The following SMG1 variants were observed in gnomAD, a reference collection of about 807,000 sequenced individuals.
SMG1 encodes serine/threonine-protein kinase SMG1.
SMG1 carries 22 observed loss-of-function variants against 419.9 expected under a neutral mutation model. The observed-to-expected ratio is 0.05, with a 90% CI of 0.04 to 0.07. The LOEUF is 0.07. Among genes scored for constraint, SMG1 ranks in the 10% least tolerant of loss-of-function variants. The pLI, the probability that SMG1 is intolerant of heterozygous loss-of-function variation, is 1.00. For missense variants in SMG1, 3,185 were observed against 4,342.0 expected (o/e 0.73, Z 7.49); for synonymous variants, 1,538 against 1,553.5 (o/e 0.99, Z 0.23).
At chr16:18,846,516 C>A (rs748068651) in intron 38 of SMG1, among the ~76,000 whole-genome samples, 75 of 152,052 alleles carry the variant, frequency 4.9e-4, no homozygotes, top group Non-Finnish European at 8.8e-4. Flanking sequence ...AGAACTCCTA[C>A]AATTCAACAA....
chr16:18,920,678 CAAAA>C (rs1301194398), intron 1 of SMG1, among the ~76,000 whole-genome samples: 2 of 149,702 alleles, frequency 1.3e-5, no homozygotes, highest in African/African-American at 4.9e-5. Context: ...CTACAAAAAA[CAAAA>C]AAAAATAAAG....
intron 10 of SMG1, among the ~76,000 whole-genome samples, chr16:18,880,202 C>T (rs1227080345): frequency 2.0e-5 from 3 of 152,200 alleles, no homozygotes; most frequent in Admixed American, 2.0e-4. Flanking sequence ...GAAAGATAAG[C>T]ACTCTCATGC....
chr16:18,892,846 G>T (rs977608333), intron 3 of SMG1, among the ~76,000 whole-genome samples: 1 of 152,144 alleles, frequency 6.6e-6, no homozygotes, highest in African/African-American at 2.4e-5. Flanking sequence ...AGAGTACCTG[G>T]CAAATAACAG....
intron 57 of SMG1, among the ~76,000 whole-genome samples, 177 bp downstream of exon 57, chr16:18,817,113 CG>C (rs2032072392): frequency 7.7e-5 from 1 of 12,962 alleles, no homozygotes; most frequent in Non-Finnish European, 2.9e-4. Flanking sequence ...TAATATGTTT[CG>C]GGGCGGGGGG....
chr16:18,811,066 C>T (rs573151022), intron 62 of SMG1, among the ~76,000 whole-genome samples: 3 of 152,082 alleles, frequency 2.0e-5, no homozygotes, highest in Non-Finnish European at 4.4e-5. Flanking sequence ...TGTCCCGATA[C>T]CCAAAGATGC....
chr16:18,829,210 T>C lies in SMG1; in HGVS notation c.9603+76A>G, dbSNP rs1374939399. The C allele has an allele frequency of 2.4e-6, 3 of 1,268,428 alleles. No individual in the cohort carries two copies. In the African/African-American group the frequency reaches 4.5e-5, roughly 19 times the overall value. 78.6% of individuals were successfully genotyped at this position (1,268,428 alleles called of 1,614,324 possible). On this transcript the variant is annotated intron_variant, in intron 54 of 62. Transcript: ENST00000446231. ...GAAGTTTTAAAAAAATTTCTGTGTA[T>C]TGTTTTAAATTAATTTCCCCCATTT...
Position 18,809,318 on chromosome 16 carries a change from G to A in SMG1, c.*251C>T, listed in dbSNP as rs1306012735. The A allele has an allele frequency of 1.0e-5, 5 of 477,366 alleles. No individual in the cohort carries two copies. Among genetic ancestry groups the A allele is most frequent in the East Asian group, 7.1e-5 (2 of 28,368 alleles). 29.6% of individuals were successfully genotyped at this position (477,366 alleles called of 1,614,324 possible). On this transcript the variant is annotated 3_prime_UTR_variant, in exon 63 of 63. Coordinates refer to ENST00000446231, the MANE Select transcript of SMG1 (RefSeq NM_015092.5). The stretch of plus-strand genomic sequence containing the variant: ...GTTCTGTGGCAGAAAGACAATCTCC[G>A]TGTTCAGGCGGTGAGCTTGCTTTCC...
intron 5 of SMG1, among the ~76,000 whole-genome samples, chr16:18,889,799 A>G (rs2036797932): frequency 6.6e-6 from 1 of 152,198 alleles, no homozygotes; most frequent in South Asian, 2.1e-4. Flanking sequence ...CTTTCTTTTT[A>G]CAAAATCAAT....
chr16:18,859,629 A>G lies in SMG1; in HGVS notation c.3880T>C (p.Leu1294=). The change falls in exon 27 of 63, where the codon TTA becomes CTA. Residue 1294 remains leucine, a synonymous_variant. Transcript: ENST00000446231. ...GTTGCCAAACAAACAGAACTTCTTA[A>G]CAATTGAACTTCAATGGATTTCTGA... ...ELQKSIEVQL[L]RSSVCLATAL... is the part of the protein sequence containing the mutation. The G allele has an allele frequency of 6.2e-7, 1 of 1,613,030 alleles. No homozygotes were observed. The highest frequency in any genetic ancestry group is 8.5e-7 in the Non-Finnish European group (1 of 1,179,152).
intron 10 of SMG1, 126 bp downstream of exon 10, chr16:18,882,039 T>TATAC (rs138410515): frequency 5.9e-5 from 34 of 571,454 alleles, no homozygotes; most frequent in South Asian, 1.2e-4. Context: ...TATATACATA[T>TATAC]ATACATACAT....
At position 18,870,636 on chromosome 16, in the gene SMG1, T is replaced by C; in HGVS notation, c.2466A>G (p.Lys822=). Residue 822 remains lysine (K), a synonymous_variant, in exon 18 of 63, where the codon AAA becomes AAG. Transcript: ENST00000446231. Reference sequence around the variant, plus strand: ...TTAGGACAACATCTAAAGGAATTGATTTCAACAGTTTTCCAAATGCTTGTC... The same window carrying C: ...TTAGGACAACATCTAAAGGAATTGACTTCAACAGTTTTCCAAATGCTTGTC... ...RIRQAFGKLL[K]SIPLDVVLSN... is the part of the protein sequence containing the mutation. 4 of 1,603,914 alleles carry C rather than the reference T, an allele frequency of 2.5e-6. No individual in the cohort carries two copies. The highest frequency in any genetic ancestry group is 3.4e-6 in the Non-Finnish European group (4 of 1,175,418).
chr16:18,834,847 A>C (rs1253660843), intron 49 of SMG1, 45 bp downstream of exon 49: 1 of 1,582,612 alleles, frequency 6.3e-7, no homozygotes, highest in Non-Finnish European at 8.6e-7. Flanking sequence ...TTGGGATTAA[A>C]AATAAGACAC....
At chr16:18,920,182 G>A (rs1054220297) in intron 1 of SMG1, among the ~76,000 whole-genome samples, 11 of 151,978 alleles carry the variant, frequency 7.2e-5, no homozygotes, top group African/African-American at 2.7e-4. Flanking sequence ...AGGAGTTCAC[G>A]ACCAGCCTGA....
intron 1 of SMG1, among the ~76,000 whole-genome samples, chr16:18,903,448 A>G (rs1253478767): frequency 6.6e-6 from 1 of 152,080 alleles, no homozygotes; most frequent in Non-Finnish European, 1.5e-5. Flanking sequence ...CCTTTCCAAA[A>G]CATCTGTAAA....
At chr16:18,854,310 ACTC>A (rs2141416648) in intron 30 of SMG1, among the ~76,000 whole-genome samples, 1 of 151,080 alleles carries the variant, frequency 6.6e-6, no homozygotes, top group East Asian at 2.0e-4. Flanking sequence ...CTGGTGTCAA[ACTC>A]CTAAGCTCAA....
At position 18,849,961 on chromosome 16, in the gene SMG1, C is replaced by T. The variant is rs774816584; in HGVS notation, c.5449G>A (p.Ala1817Thr). The change falls in exon 35 of 63, where the codon GCA becomes ACA. Residue 1817 changes from alanine to threonine, a missense_variant. Transcript: ENST00000446231. The part of the protein sequence containing the change: ...LEHGLETTPT[A>T]PWRGIIPQLF... ...ATGCAGGTCTCACCTCTCCATGGTG[C>T]AGTGGGTGTTGTCTCCAAGCCGTGC... 3.1e-6 allele frequency: 5 copies of T among 1,613,858 alleles called. No homozygotes were observed. The highest frequency in any genetic ancestry group is 3.4e-6 in the Non-Finnish European group (4 of 1,179,820).
intron 38 of SMG1, among the ~76,000 whole-genome samples, chr16:18,846,762 C>T (rs546170287): frequency 2.0e-5 from 3 of 152,350 alleles, no homozygotes; most frequent in African/African-American, 7.2e-5. Flanking sequence ...AACCCTCATG[C>T]ATGGCTAGGA....
At position 18,806,817 on chromosome 16, in the gene SMG1, C is replaced by T. The variant is rs1417453764; in HGVS notation, c.*2752G>A. ...CCCTGGTTTTCCACAGGTATTTTAT[C>T]AAAAATGTATGACTTCATAACTACA... On this transcript the variant is annotated 3_prime_UTR_variant, in exon 63 of 63. Transcript: ENST00000446231. 1 of 152,154 alleles carries T rather than the reference C, an allele frequency of 6.6e-6. No individual in the cohort carries two copies. Among genetic ancestry groups the T allele is most frequent in the Non-Finnish European group, 1.5e-5 (1 of 68,026 alleles). 9.4% of individuals were successfully genotyped at this position (152,154 alleles called of 1,614,324 possible).
At chr16:18,925,912 C>G (rs2038383311) in intron 1 of SMG1, 38 bp downstream of exon 1, 2 of 1,466,852 alleles carry the variant, frequency 1.4e-6, no homozygotes, top group African/African-American at 2.9e-5. Flanking sequence ...GAGGCGGAGC[C>G]CGGGAGGTCG....
Sources: gnomAD v4.1 joint callset for allele counts (sites outside exome capture counted in the v4.1 genomes callset) on GRCh38, gnomAD v4.1.1 for gene constraint, MANE v1.5 for transcripts, NCBI Gene and HGNC (gene_info 2026-07-23, HGNC 2026-07-21) for gene names.